Variants in WNT9B observed in about 807,000 individuals in gnomAD.
WNT9B encodes Wnt family member 9B, also known as protein Wnt-9b.
Under a neutral mutation model 30.2 loss-of-function variants are expected in WNT9B, and 12 were observed. The observed-to-expected ratio is 0.40, with a 90% CI of 0.26 to 0.64. The LOEUF (loss-of-function observed/expected upper bound fraction) is 0.64, where lower values mean the gene tolerates loss of function less well. Ranked by LOEUF, WNT9B falls within the 30% of genes least tolerant of loss-of-function variation. The probability of loss-of-function intolerance (pLI) is 0.42; values close to 1 mark genes in which losing one functional copy is unlikely to be tolerated. For missense variants in WNT9B, 442 were observed against 485.2 expected (o/e 0.91, Z 0.84); for synonymous variants, 218 against 216.9 (o/e 1.01, Z -0.05).
intron 1 of WNT9B, among the ~76,000 whole-genome samples, chr17:46,871,558 A>C (rs2146597217): frequency 6.6e-6 from 1 of 152,272 alleles, no homozygotes; most frequent in South Asian, 2.1e-4. Flanking sequence ...AGCTAGCAGG[A>C]AGGTAGGCCT....
upstream of WNT9B, chr17:46,851,533 G>T (rs2084844555): frequency 1.9e-6 from 1 of 534,662 alleles, no homozygotes; most frequent in Non-Finnish European, 2.8e-6. This position sits in a 1 kb window ranked among gnomAD's most constrained non-coding sequence, Gnocchi z 4.3. Flanking sequence ...TCCCAGCGCC[G>T]CCTGCCCCGC....
chr17:46,844,201 C>G (rs2084747050), intron 1 of WNT9B, among the ~76,000 whole-genome samples: 1 of 152,108 alleles, frequency 6.6e-6, no homozygotes, highest in Admixed American at 6.6e-5. Context: ...AAGCAATCCT[C>G]CTGCCTCAGT....
At chr17:46,844,306 T>A (rs1480868408) in intron 1 of WNT9B, among the ~76,000 whole-genome samples, 2 of 22,620 alleles carry the variant, frequency 8.8e-5, no homozygotes, top group Non-Finnish European at 1.2e-4. Flanking sequence ...GTTAGCCACC[T>A]TTTTTTTTTT....
intron 1 of WNT9B, among the ~76,000 whole-genome samples, chr17:46,858,745 C>T (rs1015955331): frequency 3.3e-5 from 5 of 152,190 alleles, no homozygotes; most frequent in Non-Finnish European, 7.3e-5. Flanking sequence ...CAGCTCACTA[C>T]AGCCTCGACC....
At chr17:46,885,038 G>T (rs1002113526), downstream of WNT9B, 2 of 439,652 alleles carry the variant, frequency 4.5e-6, no homozygotes, top group African/African-American at 4.1e-5. Flanking sequence ...GCGCAGGTTG[G>T]AGTGCAGTGG....
At chr17:46,840,243 C>T (rs942268396) in intron 1 of WNT9B, among the ~76,000 whole-genome samples, 6 of 151,986 alleles carry the variant, frequency 3.9e-5, no homozygotes, top group Middle Eastern at 3.4e-3. Flanking sequence ...CCCGACACCA[C>T]GCCCGGCTAA....
chr17:46,850,775 C>G (rs892548643), upstream of WNT9B, among the ~76,000 whole-genome samples: 5 of 152,216 alleles, frequency 3.3e-5, no homozygotes, highest in African/African-American at 1.2e-4. Flanking sequence ...GGGCCCAACA[C>G]TTGAAGTTCC....
In WNT9B at chr17:46,851,648, C is replaced by A; in HGVS notation, c.10C>A (p.Pro4Thr). The change falls in exon 1 of 4, where the codon CCG becomes ACG. Residue 4 changes from proline (P) to threonine (T), a missense_variant. Transcript: ENST00000290015. The surrounding 1 kb of genome is among the most constrained non-coding windows in gnomAD (Gnocchi z 4.3). Reference protein sequence around the residue: MRPPPALALAGLCL... With the variant: MRPTPALALAGLCL... ...CAGCGCCGCCAGCACCATGCGCCCC[C>A]CGCCCGCGCTGGCCCTGGCCGGGCT... 1 of 1,282,558 alleles carries A rather than the reference C, an allele frequency of 7.8e-7. No individual in the cohort carries two copies. The highest frequency in any genetic ancestry group is 9.8e-7 in the Non-Finnish European group (1 of 1,019,524). The allele number at this position is 1,282,558 out of a possible 1,614,324, so 79.4% of individuals were successfully genotyped here. A position where few individuals can be genotyped will look rare whatever the true frequency, so the allele number is the denominator to read the frequency against.
intron 1 of WNT9B, among the ~76,000 whole-genome samples, chr17:46,837,217 A>AGGCGTGAGCC (rs1465539645): frequency 6.6e-6 from 1 of 152,208 alleles, no homozygotes; most frequent in Non-Finnish European, 1.5e-5. Context: ...CTGGGATTAC[A>AGGCGTGAGCC]GGCGTGAGCC....
chr17:46,842,413 C>T (rs1293233805), intron 1 of WNT9B, among the ~76,000 whole-genome samples: 4 of 152,182 alleles, frequency 2.6e-5, no homozygotes, highest in Non-Finnish European at 4.4e-5. Context: ...CTCCCTCTGT[C>T]GCCCAGGCTG....
In WNT9B at chr17:46,879,131, A is replaced by C. The variant is rs1183097187; in HGVS notation, c.*2413A>C. Among the ~76,000 whole-genome samples the C allele has an allele frequency of 6.6e-6, 1 of 152,232 alleles. No homozygotes were observed. Among genetic ancestry groups the C allele is most frequent in the Non-Finnish European group, 1.5e-5 (1 of 68,040 alleles). ...CAAAGGAGAATAATTTATATAGCTA[A>C]GATATATGAGAAAGTATTTATATTA... is the stretch of plus-strand genomic sequence containing the variant. On this transcript the variant is annotated 3_prime_UTR_variant, in exon 4 of 4. Transcript: ENST00000290015.
chr17:46,885,452 A>C (rs2085478304), downstream of WNT9B: 2 of 157,934 alleles, frequency 1.3e-5, no homozygotes. Context: ...ACAGGCGTGC[A>C]CCACCACGCT....
intron 2 of WNT9B, 38 bp from the exon 3 acceptor site, chr17:46,875,063 C>A (rs1367484555): frequency 6.2e-7 from 1 of 1,613,390 alleles, no homozygotes; most frequent in African/African-American, 1.3e-5. Context: ...TCTCTTCCCC[C>A]TTTCCTCCCT....
upstream of WNT9B, among the ~76,000 whole-genome samples, chr17:46,847,404 A>T (rs1336279831): frequency 2.0e-5 from 3 of 152,238 alleles, no homozygotes; most frequent in Admixed American, 1.3e-4. Context: ...CCCACATGCT[A>T]CCTCACAGTG....
Position 46,874,138 on chromosome 17 carries a change from G to A in WNT9B, c.335-963G>A, listed in dbSNP as rs562348608. Among the ~76,000 whole-genome samples the A allele has an allele frequency of 2.0e-3, 307 of 152,274 alleles. 1 individual carries two copies. The highest frequency in any genetic ancestry group is 3.8e-3 in the Admixed American group (58 of 15,298). On this transcript the variant is annotated intron_variant, in intron 2 of 3. Coordinates refer to ENST00000290015, the MANE Select transcript of WNT9B (RefSeq NM_003396.3). The stretch of plus-strand genomic sequence containing the variant: ...CAGCACCCAGATGCACTGGAGGGCA[G>A]GCAGGAAGTAGTGAGCTGGTGGGAG...
intron 3 of WNT9B, among the ~76,000 whole-genome samples, chr17:46,876,021 G>A (rs1568131826): frequency 6.6e-6 from 1 of 152,238 alleles, no homozygotes; most frequent in Non-Finnish European, 1.5e-5. Context: ...AACCGGGGCT[G>A]CTGTGTTCAG....
chr17:46,847,375 A>G (rs1402069200), upstream of WNT9B, among the ~76,000 whole-genome samples: 3 of 152,236 alleles, frequency 2.0e-5, no homozygotes, highest in Non-Finnish European at 2.9e-5. Flanking sequence ...CCTCATCTGT[A>G]TAATGGGGAC....
At chr17:46,870,658 A>G (rs2085225722) in intron 1 of WNT9B, among the ~76,000 whole-genome samples, 1 of 152,208 alleles carries the variant, frequency 6.6e-6, no homozygotes, top group African/African-American at 2.4e-5. Context: ...GCCAGGCCGC[A>G]TACCCTCTGG....
intron 1 of WNT9B, among the ~76,000 whole-genome samples, chr17:46,867,214 C>T (rs2146585690): frequency 6.6e-6 from 1 of 152,336 alleles, no homozygotes; most frequent in Middle Eastern, 3.4e-3. Flanking sequence ...GACCGTGTCC[C>T]AGCACAGTAC....
Sources: allele counts gnomAD v4.1 joint callset (sites outside exome capture counted in the v4.1 genomes callset), GRCh38; gene constraint gnomAD v4.1.1; non-coding constraint Gnocchi (gnomAD v3.1); transcripts MANE v1.5; gene names NCBI Gene and HGNC (gene_info 2026-07-23, HGNC 2026-07-21).